The following BIRC3 variants were observed in gnomAD, a reference collection of about 807,000 sequenced individuals.
BIRC3 encodes baculoviral IAP repeat-containing protein 3.
BIRC3 carries 26 observed loss-of-function variants against 59.0 expected under a neutral mutation model. The ratio of observed to expected loss-of-function variants is 0.44; its 90% CI spans 0.32 to 0.61. BIRC3 has a LOEUF of 0.61. Ranked by LOEUF, BIRC3 falls within the 20% of genes least tolerant of loss-of-function variation. The pLI, the probability that BIRC3 is intolerant of heterozygous loss-of-function variation, is 0.04. For synonymous variants in BIRC3, 243 were observed against 249.2 expected (o/e 0.98, Z 0.24); for missense variants, 641 against 711.5 (o/e 0.90, Z 1.13).
rs1349146692 is a variant in BIRC3 at position 102,337,004 on chromosome 11, G to A, written c.1717G>A (p.Gly573Ser). 1.9e-6 allele frequency: 3 copies of A among 1,604,330 alleles called. No homozygotes were observed. The highest frequency in any genetic ancestry group is 2.5e-6 in the Non-Finnish European group (3 of 1,177,880). The change falls in exon 9 of 9, where the codon GGT (glycine) becomes AGT (serine). Residue 573 changes from glycine to serine, a missense_variant. Around this residue, in one of 4 missense-constraint regions of BIRC3, gnomAD observed 41 missense variants for 73.4 expected, o/e 0.56. Transcript: ENST00000263464. ...KEVSIVFIPC[G>S]HLVVCKDCAP... ...AGTGTCCATAGTGTTTATTCCTTGTGGTCATCTAGTAGTATGCAAAGATTG... is the reference window on the plus strand; with the variant it reads ...AGTGTCCATAGTGTTTATTCCTTGTAGTCATCTAGTAGTATGCAAAGATTG...
chr11:102,325,955 C>T (rs1299585285), intron 3 of BIRC3, among the ~76,000 whole-genome samples: 3 of 151,946 alleles, frequency 2.0e-5, no homozygotes, highest in Non-Finnish European at 4.4e-5. Flanking sequence ...GTATATGATA[C>T]ATATACATAT....
intron 6 of BIRC3, among the ~76,000 whole-genome samples, chr11:102,332,081 G>A (rs1262782944): frequency 6.6e-6 from 1 of 152,186 alleles, no homozygotes; most frequent in Non-Finnish European, 1.5e-5. Flanking sequence ...ATTTAGGCAA[G>A]TCCTAGTATA....
chr11:102,318,415 A>G (rs1950995758), intron 1 of BIRC3, among the ~76,000 whole-genome samples: 1 of 152,226 alleles, frequency 6.6e-6, no homozygotes, highest in African/African-American at 2.4e-5. Context: ...AATTGATAGA[A>G]GTACTGTGGT....
At position 102,331,018 on chromosome 11, in the gene BIRC3, A is replaced by G; in HGVS notation, c.1101A>G (p.Gly367=). 2 of 1,613,268 alleles carry G rather than the reference A, an allele frequency of 1.2e-6. No homozygotes were observed. The highest frequency in any genetic ancestry group is 1.7e-6 in the Non-Finnish European group (2 of 1,179,642). The change falls in exon 6 of 9, where the codon GGA becomes GGG. Residue 367 remains glycine, a synonymous_variant. Transcript: ENST00000263464. The stretch of plus-strand genomic sequence containing the variant: ...ATATAGTTATCCATTTTGAACCTGG[A>G]GAAGACCATTCAGAAGATGCAATCA... ...AESSIIHFEP[G]EDHSEDAIMM...
At chr11:102,328,814 G>A in intron 4 of BIRC3, 83 bp from the exon 5 acceptor site, 1 of 491,436 alleles carries the variant, frequency 2.0e-6, no homozygotes, top group Non-Finnish European at 3.0e-6. Context: ...ATGTCTGTTG[G>A]GTCATTTTCA....
intron 5 of BIRC3, among the ~76,000 whole-genome samples, chr11:102,330,625 T>C (rs927855315): frequency 6.6e-6 from 1 of 152,212 alleles, no homozygotes; most frequent in Non-Finnish European, 1.5e-5. Context: ...AACCATAGCC[T>C]CTCTGAAAAA....
At chr11:102,318,998 G>A (rs1387673018) in intron 1 of BIRC3, among the ~76,000 whole-genome samples, 1 of 151,980 alleles carries the variant, frequency 6.6e-6, no homozygotes, top group African/African-American at 2.4e-5. Context: ...AAGAGAAGGG[G>A]TGATACAGGG....
chr11:102,336,668 C>T, intron 7 of BIRC3, 92 bp from the exon 8 acceptor site: 1 of 1,180,304 alleles, frequency 8.5e-7, no homozygotes, highest in Non-Finnish European at 1.2e-6. Context: ...GAGTATTTGG[C>T]TATAGTCTAA....
In BIRC3 at chr11:102,336,745, C is replaced by A. The variant is rs556352187; in HGVS notation, c.1580-15C>A. ...CTTATTTGTCATAGTAATGCTTTTT[C>A]TTTTTCTCCCTTAGTGCAACAGGAC... On this transcript the variant is annotated splice_polypyrimidine_tract_variant and intron_variant, in intron 7 of 8. Coordinates refer to ENST00000263464, the MANE Select transcript of BIRC3 (RefSeq NM_001165.5). 3.7e-5 allele frequency: 60 copies of A among 1,600,028 alleles called. No individual in the cohort carries two copies. In the South Asian group the frequency reaches 6.5e-4, roughly 17 times the overall value.
rs1409462494 is a variant in BIRC3 at position 102,337,297 on chromosome 11, C to A, written c.*195C>A. ...TTTTAGAAACTAAGAGAATGATAGG[C>A]TTTTGTTCTTATGAACGAAAAAGAG... On this transcript the variant is annotated 3_prime_UTR_variant, in exon 9 of 9. Coordinates refer to ENST00000263464, the MANE Select transcript of BIRC3 (RefSeq NM_001165.5). 1.2e-5 allele frequency: 5 copies of A among 419,924 alleles called. No homozygotes were observed. Among genetic ancestry groups the A allele is most frequent in the African/African-American group, 8.2e-5 (4 of 48,804 alleles). 26.0% of individuals were successfully genotyped at this position (419,924 alleles called of 1,614,324 possible). A position where few individuals can be genotyped will look rare whatever the true frequency, so the allele number is the denominator to read the frequency against.
At chr11:102,327,559 G>C (rs1393872194) in intron 3 of BIRC3, among the ~76,000 whole-genome samples, 1 of 152,004 alleles carries the variant, frequency 6.6e-6, no homozygotes, top group Non-Finnish European at 1.5e-5. Flanking sequence ...AGAATCACTT[G>C]AACCTGGGAG....
rs755808093 is a variant in BIRC3 at position 102,336,030 on chromosome 11, A to C, written c.1389A>C (p.Pro463=). Residue 463 remains proline (P), a synonymous_variant, in exon 7 of 9, where the codon CCA becomes CCC. Coordinates refer to ENST00000263464, the MANE Select transcript of BIRC3 (RefSeq NM_001165.5). ...ALFQHLTCVI[P]ILDSLLTAGI... ...TTCAACATTTGACTTGTGTAATTCC[A>C]ATCCTGGATAGTCTACTAACTGCCG... 12 of 1,613,428 alleles carry C rather than the reference A, an allele frequency of 7.4e-6. No individual in the cohort carries two copies. The East Asian group carries it at 2.2e-4, about 30-fold the overall frequency.
rs1260430717 is a variant in BIRC3, at chr11:102,324,040, AT to A, written c.-465del. The A allele has an allele frequency of 4.8e-6, 1 of 209,966 alleles. No homozygotes were observed. The highest frequency in any genetic ancestry group is 9.7e-6 in the Non-Finnish European group (1 of 103,226). The allele number at this position is 209,966 out of a possible 1,614,324, so 13.0% of individuals were successfully genotyped here. Reference sequence around the variant, plus strand: ...AAAGCAAAATAAACATATTCTGAATATTTTTGCTGTGAAACACTTGACAGCA... The same window carrying A: ...AAAGCAAAATAAACATATTCTGAATATTTTGCTGTGAAACACTTGACAGCA... On this transcript the variant is annotated 5_prime_UTR_variant, in exon 2 of 9. Coordinates refer to ENST00000263464, the MANE Select transcript of BIRC3 (RefSeq NM_001165.5).
chr11:102,333,779 A>G (rs1951169480), intron 6 of BIRC3, among the ~76,000 whole-genome samples: 1 of 152,064 alleles, frequency 6.6e-6, no homozygotes, highest in Non-Finnish European at 1.5e-5. Context: ...AAGAAATTTT[A>G]TGGAAGAATG....
chr11:102,331,184 G>A lies in BIRC3; in HGVS notation c.1267G>A (p.Ala423Thr). Residue 423 changes from alanine (A) to threonine (T), a missense_variant, in exon 6 of 9, where the codon GCA (alanine) becomes ACA (threonine). Ala to Thr is a moderately conservative substitution (Grantham distance 58). Around this residue, in one of 4 missense-constraint regions of BIRC3, gnomAD observed 268 missense variants for 255.7 expected, o/e 1.05. Transcript: ENST00000263464. The part of the protein sequence containing the change: ...VNDLVLDLLN[A>T]EDEIREEERE... ...TGATCTTGTGTTAGACTTACTCAAT[G>A]CAGAAGATGAAATAAGGGAAGAGGA... 1.2e-6 allele frequency: 2 copies of A among 1,613,586 alleles called. No individual in the cohort carries two copies. The highest frequency in any genetic ancestry group is 2.2e-5 in the South Asian group (2 of 91,012).
chr11:102,320,757 G>T (rs189601226), intron 1 of BIRC3, among the ~76,000 whole-genome samples: 7 of 152,276 alleles, frequency 4.6e-5, no homozygotes, highest in Admixed American at 2.6e-4. Flanking sequence ...TAATTCTGCT[G>T]TAAGAAAAAC....
chr11:102,325,202 A>G lies in BIRC3; in HGVS notation c.693A>G (p.Lys231=). ...AMSEHLRHFP[K]CPFIENQLQD... Reference sequence around the variant, plus strand: ...CAGAACACCTGAGACATTTTCCCAAATGCCCATTTATAGAAAATCAGCTTC... The same window carrying G: ...CAGAACACCTGAGACATTTTCCCAAGTGCCCATTTATAGAAAATCAGCTTC... The change falls in exon 2 of 9, where the codon AAA becomes AAG. Residue 231 remains lysine (K), a synonymous_variant. Transcript: ENST00000263464. The G allele has an allele frequency of 6.2e-7, 1 of 1,614,132 alleles. No individual in the cohort carries two copies. The highest frequency in any genetic ancestry group is 8.5e-7 in the Non-Finnish European group (1 of 1,180,002).
chr11:102,320,489 A>G (rs1027288308), intron 1 of BIRC3: 28 of 150,848 alleles, frequency 1.9e-4, no homozygotes, highest in African/African-American at 6.3e-4. Context: ...GGTCTCAAAC[A>G]CCTGGGCTCA....
At position 102,324,907 on chromosome 11, in the gene BIRC3, A is replaced by T. The variant is rs560628396; in HGVS notation, c.398A>T (p.Tyr133Phe). Residue 133 changes from tyrosine to phenylalanine, a missense_variant, in exon 2 of 9, where the codon TAT (tyrosine) becomes TTT (phenylalanine). Physicochemically the swap from Tyr to Phe is conservative, Grantham distance 22. Coordinates refer to ENST00000263464, the MANE Select transcript of BIRC3 (RefSeq NM_001165.5). ...CTTCCGGGTACAGAAAACAGTGGAT[A>T]TTTCCGTGGCTCTTATTCAAACTCT... is the stretch of plus-strand genomic sequence containing the variant. The part of the protein sequence containing the change: ...SLLPGTENSG[Y>F]FRGSYSNSPS... 26 of 1,614,210 alleles carry T rather than the reference A, an allele frequency of 1.6e-5. No individual in the cohort carries two copies. In the South Asian group the frequency reaches 2.5e-4, roughly 16 times the overall value.
Sources: allele counts gnomAD v4.1 joint callset (sites outside exome capture counted in the v4.1 genomes callset), GRCh38; gene constraint gnomAD v4.1.1; regional missense constraint gnomAD v4.1.1; transcripts MANE v1.5; gene names NCBI Gene and HGNC (gene_info 2026-07-23, HGNC 2026-07-21).